NARS1: variants seen among roughly 807,000 people sequenced by gnomAD.
NARS1 encodes the protein asparagine--tRNA ligase, cytoplasmic.
In NARS1, 65 loss-of-function variants were observed where a neutral mutation model predicts 79.2. The ratio of observed to expected loss-of-function variants is 0.82; its 90% CI spans 0.67 to 1.01. The LOEUF (loss-of-function observed/expected upper bound fraction) is 1.01, where lower values mean the gene tolerates loss of function less well. Ranked by LOEUF, NARS1 falls within the 50% of genes least tolerant of loss-of-function variation. NARS1 has a pLI of 0.00. For synonymous variants in NARS1, 229 were observed against 238.8 expected (o/e 0.96, Z 0.38); for missense variants, 649 against 673.8 (o/e 0.96, Z 0.41).
At chr18:57,610,116 AACTG>A (rs748655487) in intron 6 of NARS1, among the ~76,000 whole-genome samples, 18,586 of 152,204 alleles carry the variant, frequency 0.12, 2,235 homozygotes, top group African/African-American at 0.31. Flanking sequence ...ATTAGGAAAA[AACTG>A]ATGGGGAACT....
intron 12 of NARS1, 160 bp from the exon 13 acceptor site, chr18:57,602,646 G>A: frequency 3.3e-6 from 4 of 1,195,004 alleles, no homozygotes. Flanking sequence ...ATTTAACAAA[G>A]CATGTCAACT....
rs1180701733 is a variant in NARS1, at chr18:57,607,648, C to T, written c.597G>A (p.Glu199=). Residue 199 remains glutamate (E), a synonymous_variant, in exon 8 of 14, where the codon GAG becomes GAA. Transcript: ENST00000256854. ...TTAGTTCCCAGAAGTCACAACTCAG[C>T]TCATGGCCACCTGGAGCCTGCATTT... ...PKGKQAPGGH[E]LSCDFWELIG... is the part of the protein sequence containing the mutation. The T allele has an allele frequency of 1.9e-6, 3 of 1,612,994 alleles. No individual in the cohort carries two copies. In the South Asian group the frequency reaches 3.3e-5, roughly 18 times the overall value.
At chr18:57,621,525 G>C (rs1280949583) in intron 1 of NARS1, among the ~76,000 whole-genome samples, 183 bp downstream of exon 1, 1 of 152,174 alleles carries the variant, frequency 6.6e-6, no homozygotes, top group Non-Finnish European at 1.5e-5. Flanking sequence ...AGCCCGGCCT[G>C]GCCCTTCAAG....
Position 57,609,476 on chromosome 18 carries a change from T to G in NARS1, c.493-33A>C, listed in dbSNP as rs779458194. 6.4e-6 allele frequency: 10 copies of G among 1,560,416 alleles called. No homozygotes were observed. The African/African-American group carries it at 1.1e-4, about 17-fold the overall frequency. On this transcript the variant is annotated intron_variant, in intron 6 of 13. Transcript: ENST00000256854. ...AAGGTCAAAGCTCAAATTTAGTTATTCACATTGATTTAAAAATTCTACCAT... is the reference window on the plus strand; with the variant it reads ...AAGGTCAAAGCTCAAATTTAGTTATGCACATTGATTTAAAAATTCTACCAT...
chr18:57,606,864 C>A, intron 9 of NARS1, 113 bp from the exon 10 acceptor site: 10 of 1,411,308 alleles, frequency 7.1e-6, no homozygotes, highest in Non-Finnish European at 9.7e-6. Context: ...GCTACCAATT[C>A]CCAACTTTGC....
intron 9 of NARS1, 176 bp from the exon 10 acceptor site, chr18:57,606,927 T>G (rs2298646): frequency 0.19 from 173,273 of 920,584 alleles, 18,113 homozygotes; most frequent in East Asian, 0.37. Context: ...TCTTGTTTGC[T>G]CCTTTATATA....
chr18:57,615,765 T>C (rs1399834494), intron 3 of NARS1, 35 bp from the exon 4 acceptor site: 1 of 1,610,258 alleles, frequency 6.2e-7, no homozygotes, highest in Non-Finnish European at 8.5e-7. Flanking sequence ...GTTAACATGG[T>C]TGCCAGAGTT....
Position 57,601,763 on chromosome 18 carries a change from G to A in NARS1, c.1536C>T (p.Pro512=). 1 of 1,613,390 alleles carries A rather than the reference G, an allele frequency of 6.2e-7. No homozygotes were observed. The highest frequency in any genetic ancestry group is 1.3e-5 in the African/African-American group (1 of 74,992). The change falls in exon 14 of 14, where the codon CCC becomes CCT. Residue 512 remains proline (P), a synonymous_variant. Transcript: ENST00000256854. ...CCAAGCCCAAGCCATATCCTCCATG[G>A]GGACATGTACCGTATTTTCTCTGTT... ...YTDQRKYGTC[P]HGGYGLGLER... is the part of the protein sequence containing the mutation.
At chr18:57,605,395 T>G (rs1440513402) in intron 11 of NARS1, among the ~76,000 whole-genome samples, 3 of 150,108 alleles carry the variant, frequency 2.0e-5, no homozygotes, top group Admixed American at 6.6e-5. Context: ...GATCACGAGG[T>G]CAAGAGATCG....
At chr18:57,605,822 C>A in intron 11 of NARS1, 35 bp downstream of exon 11, 1 of 1,418,418 alleles carries the variant, frequency 7.1e-7, no homozygotes, top group Non-Finnish European at 9.8e-7. Context: ...GAGCCCAATC[C>A]CACCTTGGAA....
chr18:57,620,443 T>C (rs1198461213), intron 2 of NARS1, 126 bp downstream of exon 2: 1 of 647,706 alleles, frequency 1.5e-6, no homozygotes, highest in African/African-American at 1.8e-5. Flanking sequence ...CATTCCTTAC[T>C]TTCCCTTTTC....
chr18:57,606,466 C>G, intron 10 of NARS1, 150 bp downstream of exon 10: 2 of 697,066 alleles, frequency 2.9e-6, no homozygotes, highest in Non-Finnish European at 4.7e-6. Context: ...AAATTATTGA[C>G]AGTGACTAAC....
chr18:57,611,727 A>C lies in NARS1; in HGVS notation c.422-20T>G. On this transcript the variant is annotated intron_variant, in intron 5 of 13. Coordinates refer to ENST00000256854, the MANE Select transcript of NARS1 (RefSeq NM_004539.4). ...TCTTTCCTAAAAAATGAGAAATAAT[A>C]ATTTAGGCAGACTGTTCTCAAGGCA... The C allele has an allele frequency of 6.7e-7, 1 of 1,482,414 alleles. No individual in the cohort carries two copies. The highest frequency in any genetic ancestry group is 9.2e-7 in the Non-Finnish European group (1 of 1,083,034). The allele number at this position is 1,482,414 out of a possible 1,614,324, so 91.8% of individuals were successfully genotyped here. A position where few individuals can be genotyped will look rare whatever the true frequency, so the allele number is the denominator to read the frequency against.
intron 5 of NARS1, among the ~76,000 whole-genome samples, chr18:57,613,337 A>G (rs2051620675): frequency 6.6e-6 from 1 of 152,104 alleles, no homozygotes; most frequent in African/African-American, 2.4e-5. Context: ...TACTAAAATT[A>G]CAAAAATCAG....
chr18:57,613,496 A>C (rs2051622106), intron 5 of NARS1, 106 bp downstream of exon 5: 1 of 993,132 alleles, frequency 1.0e-6, no homozygotes, highest in African/African-American at 1.6e-5. Flanking sequence ...GTGTCTAAGA[A>C]AAAAAGGGGG....
At chr18:57,613,808 T>C (rs1212064151) in intron 4 of NARS1, 128 bp from the exon 5 acceptor site, 5 of 704,446 alleles carry the variant, frequency 7.1e-6, no homozygotes, top group Middle Eastern at 2.5e-4. Flanking sequence ...AGACAGCCCC[T>C]CTACTGCAGC....
At chr18:57,606,497 ATAAT>A in intron 10 of NARS1, 115 bp downstream of exon 10, 6 of 967,678 alleles carry the variant, frequency 6.2e-6, no homozygotes, top group Non-Finnish European at 7.6e-6. Flanking sequence ...AGTCTTCAAA[ATAAT>A]TAGTCACTTA....
Position 57,609,402 on chromosome 18 carries a change from A to G in NARS1, c.534T>C (p.Ser178=), listed in dbSNP as rs772807632. 5 of 1,613,938 alleles carry G rather than the reference A, an allele frequency of 3.1e-6. No individual in the cohort carries two copies. The South Asian group carries it at 3.3e-5, about 11-fold the overall frequency. The part of the protein sequence containing the change: ...YNGVLLSTES[S]VAVYGMLNLT... ...GATTTAGCATTCCATACACTGCAAC[A>G]CTGCTCTCCGTGGACAAGAGAACTC... Residue 178 remains serine, a synonymous_variant, in exon 7 of 14, where the codon AGT becomes AGC. Transcript: ENST00000256854.
chr18:57,604,151 C>A (rs749904167), intron 11 of NARS1, among the ~76,000 whole-genome samples: 2 of 152,238 alleles, frequency 1.3e-5, no homozygotes, highest in Non-Finnish European at 2.9e-5. Context: ...GGCCTTCTGA[C>A]TCCACAGCTT....
Sources: gnomAD v4.1 joint callset for allele counts (sites outside exome capture counted in the v4.1 genomes callset) on GRCh38, gnomAD v4.1.1 for gene constraint, MANE v1.5 for transcripts, NCBI Gene and HGNC (gene_info 2026-07-23, HGNC 2026-07-21) for gene names.